ASH2L: variants seen among roughly 807,000 people sequenced by gnomAD.
ASH2L encodes the protein set1/Ash2 histone methyltransferase complex subunit ASH2.
ASH2L carries 30 observed loss-of-function variants against 81.1 expected under a neutral mutation model. That is an observed-to-expected ratio of 0.37 (90% confidence interval 0.28 to 0.50). ASH2L has a LOEUF of 0.50. Among genes scored for constraint, ASH2L ranks in the 20% least tolerant of loss-of-function variants. ASH2L has a pLI of 0.95. For missense variants in ASH2L, 559 were observed against 792.1 expected, an observed-to-expected ratio of 0.71 and a Z score of 3.53; for synonymous variants, 273 against 279.9, an observed-to-expected ratio of 0.98 and a Z score of 0.24.
chr8:38,123,517 C>T (rs75010553), intron 10 of ASH2L, among the ~76,000 whole-genome samples: 2,347 of 152,260 alleles, frequency 0.015, 57 homozygotes, highest in African/African-American at 0.054. Flanking sequence ...CTTTTCTTCC[C>T]CACTTCCTTT....
intron 2 of ASH2L, 109 bp from the exon 3 acceptor site, chr8:38,106,912 C>G (rs1008962989): frequency 2.2e-6 from 3 of 1,380,902 alleles, no homozygotes; most frequent in Non-Finnish European, 3.0e-6. Flanking sequence ...CTCAGGATCA[C>G]TTGAGACCAG....
rs1802396381 is a variant in ASH2L at position 38,139,507 on chromosome 8, C to A, written c.*436C>A. Reference sequence around the variant, plus strand: ...ACCTGTTTCTGAGAACACCTGAAATCAATGGCTATACATTCCAAACCAATC... The same window carrying A: ...ACCTGTTTCTGAGAACACCTGAAATAAATGGCTATACATTCCAAACCAATC... On this transcript the variant is annotated 3_prime_UTR_variant, in exon 16 of 16. Coordinates refer to ENST00000343823, the MANE Select transcript of ASH2L (RefSeq NM_004674.5). 1 of 156,242 alleles carries A rather than the reference C, an allele frequency of 6.4e-6. No individual in the cohort carries two copies. The highest frequency in any genetic ancestry group is 6.3e-5 in the Admixed American group (1 of 15,880). 9.7% of individuals were successfully genotyped at this position (156,242 alleles called of 1,614,324 possible).
At position 38,138,800 on chromosome 8, in the gene ASH2L, AT is replaced by A; in HGVS notation, c.1720-14del. The A allele has an allele frequency of 6.2e-7, 1 of 1,611,424 alleles. No individual in the cohort carries two copies. The highest frequency in any genetic ancestry group is 8.5e-7 in the Non-Finnish European group (1 of 1,179,140). The stretch of plus-strand genomic sequence containing the variant: ...GTCCATTTTTTCCATGTCTGCTTGA[AT>A]TGAATTCGCTCCAGGTTTCCATTAA... On this transcript the variant is annotated splice_polypyrimidine_tract_variant and intron_variant, in intron 14 of 15. Coordinates refer to ENST00000343823, the MANE Select transcript of ASH2L (RefSeq NM_004674.5).
At chr8:38,113,631 AATTT>A (rs1290945920) in intron 5 of ASH2L, among the ~76,000 whole-genome samples, 3 of 152,146 alleles carry the variant, frequency 2.0e-5, no homozygotes, top group Non-Finnish European at 1.5e-5. Context: ...GAAATTTTAA[AATTT>A]ATTTGGTGAG....
chr8:38,114,413 G>A (rs568607129), intron 6 of ASH2L, 126 bp downstream of exon 6: 4 of 640,642 alleles, frequency 6.2e-6, no homozygotes, highest in East Asian at 6.0e-5. Context: ...CTTTGAGTGT[G>A]AGATACAGCT....
In ASH2L at chr8:38,113,712, G is replaced by C. The variant is rs550430846; in HGVS notation, c.586-480G>C. On this transcript the variant is annotated intron_variant, in intron 5 of 15. Transcript: ENST00000343823. ...TCTTAATGTGTCTAGCTTATTCTGG[G>C]TGATGACTGGTTCTAAGTTATCAGG... is the stretch of plus-strand genomic sequence containing the variant. Among the ~76,000 whole-genome samples the C allele has an allele frequency of 4.6e-5, 7 of 152,300 alleles. No individual in the cohort carries two copies. The East Asian group carries it at 1.3e-3, about 29-fold the overall frequency.
At chr8:38,112,360 G>A (rs983693835) in intron 5 of ASH2L, among the ~76,000 whole-genome samples, 1 of 151,430 alleles carries the variant, frequency 6.6e-6, no homozygotes, top group Admixed American at 6.6e-5. Context: ...AAGTGCTTAG[G>A]CAGTTGTTTG....
At chr8:38,130,860 A>G (rs951605843) in intron 12 of ASH2L, among the ~76,000 whole-genome samples, 3 of 152,198 alleles carry the variant, frequency 2.0e-5, no homozygotes, top group African/African-American at 2.4e-5. Context: ...GATTACAGGC[A>G]TGAGCCACTG....
chr8:38,128,062 TCA>T (rs990803704), intron 10 of ASH2L, among the ~76,000 whole-genome samples: 4 of 151,218 alleles, frequency 2.6e-5, no homozygotes, highest in African/African-American at 9.7e-5. Flanking sequence ...AAAAAGATAA[TCA>T]CATGTAATAA....
chr8:38,121,100 C>G lies in ASH2L; in HGVS notation c.1116C>G (p.Leu372=). The stretch of plus-strand genomic sequence containing the variant: ...CAGGAAAACCTATTCCTGGAGACCT[C>G]TACAGAGCCTGCTTGTATGAACGGG... ...CWAGKPIPGD[L]YRACLYERVL... The change falls in exon 10 of 16, where the codon CTC becomes CTG. Residue 372 remains leucine (L), a synonymous_variant. Transcript: ENST00000343823. The G allele has an allele frequency of 7.4e-6, 12 of 1,613,552 alleles. No homozygotes were observed. Among genetic ancestry groups the G allele is most frequent in the Non-Finnish European group, 9.3e-6 (11 of 1,179,928 alleles).
chr8:38,106,210 CCTT>C, intron 1 of ASH2L, 165 bp from the exon 2 acceptor site: 2 of 1,438,138 alleles, frequency 1.4e-6, no homozygotes, highest in Admixed American at 3.9e-5. Context: ...GACATGTCCA[CCTT>C]CTCAGTATCC....
At chr8:38,110,489 T>G in intron 4 of ASH2L, 22 bp downstream of exon 4, 1 of 1,593,824 alleles carries the variant, frequency 6.3e-7, no homozygotes, top group Non-Finnish European at 8.6e-7. Flanking sequence ...CTCTGGAGTA[T>G]TTGAAGATGA....
intron 3 of ASH2L, 76 bp from the exon 4 acceptor site, chr8:38,110,303 G>A: frequency 8.9e-7 from 1 of 1,128,516 alleles, no homozygotes; most frequent in Non-Finnish European, 1.3e-6. Context: ...TAGAGTGAGA[G>A]CCTGTCTTTA....
At chr8:38,109,119 G>T (rs149649601) in intron 3 of ASH2L, among the ~76,000 whole-genome samples, 2 of 152,278 alleles carry the variant, frequency 1.3e-5, no homozygotes, top group South Asian at 2.1e-4. Context: ...AGGTGGGATG[G>T]ATTATCTTTT....
At chr8:38,107,472 C>T (rs558305215) in intron 3 of ASH2L, among the ~76,000 whole-genome samples, 5 of 152,052 alleles carry the variant, frequency 3.3e-5, no homozygotes. Flanking sequence ...ACAATATAAA[C>T]CTTGTGTTGG....
rs1169974049 is a variant in ASH2L at position 38,107,244 on chromosome 8, A to G, written c.401+78A>G. ...CATGCTCAACAGTTACTTTGTGGGC[A>G]AAATAAATGCAAAGTATTTCCTATG... On this transcript the variant is annotated intron_variant, in intron 3 of 15. Transcript: ENST00000343823. 1.2e-5 allele frequency: 19 copies of G among 1,565,750 alleles called. No individual in the cohort carries two copies. In the Admixed American group the frequency reaches 3.2e-4, roughly 26 times the overall value.
chr8:38,128,970 G>A lies in ASH2L; in HGVS notation c.1527+19G>A, dbSNP rs371527997. 2.0e-5 allele frequency: 32 copies of A among 1,603,550 alleles called. No homozygotes were observed. Among genetic ancestry groups the A allele is most frequent in the African/African-American group, 1.6e-4 (12 of 74,524 alleles). ...AGATAAGGTGAGTTTGTCCTCTCCC[G>A]GCAGATTCCTGGCTTTGAAGGCCTG... is the stretch of plus-strand genomic sequence containing the variant. On this transcript the variant is annotated intron_variant, in intron 12 of 15. Coordinates refer to ENST00000343823, the MANE Select transcript of ASH2L (RefSeq NM_004674.5).
chr8:38,128,914 A>C lies in ASH2L; in HGVS notation c.1490A>C (p.Glu497Ala), dbSNP rs1801956145. 2 of 1,613,808 alleles carry C rather than the reference A, an allele frequency of 1.2e-6. No homozygotes were observed. Reference protein sequence around the residue: ...GFYINLPEDTETAKSLPDTYK... With the variant: ...GFYINLPEDTATAKSLPDTYK... ...TATATTAATCTTCCTGAAGACACAG[A>C]GACAGCCAAGTCATTGCCAGACACA... The change falls in exon 12 of 16, where the codon GAG becomes GCG. Residue 497 changes from glutamate (E) to alanine (A), a missense_variant. By Grantham distance (107) the Glu-to-Ala change is moderately radical. This residue lies in a region of ASH2L where 318 missense variants were observed against 527.0 expected (regional missense o/e 0.60). Transcript: ENST00000343823.
intron 5 of ASH2L, 64 bp downstream of exon 5, chr8:38,110,897 T>A: frequency 7.7e-7 from 1 of 1,292,234 alleles, no homozygotes; most frequent in Non-Finnish European, 1.1e-6. Flanking sequence ...CTAAATATAC[T>A]CCCTAACAAG....
Sources: allele counts gnomAD v4.1 joint callset (sites outside exome capture counted in the v4.1 genomes callset), GRCh38; gene constraint gnomAD v4.1.1; regional missense constraint gnomAD v4.1.1; transcripts MANE v1.5; gene names NCBI Gene and HGNC (gene_info 2026-07-23, HGNC 2026-07-21).